GRID2IP: variants seen among roughly 807,000 people sequenced by gnomAD.
The protein encoded by GRID2IP is Grid2 interacting protein, also known as delphilin.
A neutral mutation model predicts 114.3 loss-of-function variants in GRID2IP; 78 were observed. The ratio of observed to expected loss-of-function variants is 0.68; its 90% CI spans 0.57 to 0.82. The LOEUF is 0.82. Among genes scored for constraint, GRID2IP ranks in the 40% least tolerant of loss-of-function variants. GRID2IP has a pLI of 0.00. For missense variants in GRID2IP, 1,727 were observed against 1,678.5 expected (o/e 1.03, Z -0.51); for synonymous variants, 809 against 724.0 (o/e 1.12, Z -1.89).
chr7:6,502,626 A>G, intron 18 of GRID2IP, among the ~76,000 whole-genome samples, 160 bp downstream of exon 18: 1 of 120,630 alleles, frequency 8.3e-6, no homozygotes, highest in African/African-American at 3.1e-5. Context: ...CCTTTGCTGC[A>G]GTCACATCCT....
At position 6,503,114 on chromosome 7, in the gene GRID2IP, T is replaced by C; in HGVS notation, c.2957A>G (p.Gln986Arg). Residue 986 changes from glutamine (Q) to arginine (R), a missense_variant, in exon 17 of 22, where the codon CAG becomes CGG. Gln to Arg is a conservative substitution (Grantham distance 43, BLOSUM62 1). Coordinates refer to ENST00000457091, the MANE Select transcript of GRID2IP (RefSeq NM_001145118.2). ...CTCTGTCTTCTCCTGGAGGGTGGCC[T>C]GGAAGTGGAGGCTGCGCAGGCGTGT... ...YKTRLRSLHFQATLQEKTEEI... is the reference protein window; with the variant it reads ...YKTRLRSLHFRATLQEKTEEI... The C allele has an allele frequency of 1.3e-6, 2 of 1,550,096 alleles. No homozygotes were observed. Among genetic ancestry groups the C allele is most frequent in the Non-Finnish European group, 8.7e-7 (1 of 1,146,292 alleles).
At chr7:6,502,930 G>C in intron 17 of GRID2IP, 58 bp from the exon 18 acceptor site, 2 of 1,544,542 alleles carry the variant, frequency 1.3e-6, no homozygotes, top group South Asian at 2.4e-5. Context: ...CCACCCTGCT[G>C]TCTGGATGGG....
Position 6,551,281 on chromosome 7 carries a change from C to A in GRID2IP, c.156G>T (p.Val52=). The change falls in exon 1 of 22, where the codon GTG becomes GTT. Residue 52 remains valine (V), a synonymous_variant. Transcript: ENST00000457091. ...TCAGACCGCCCACCGCCAGCCCCTC[C>A]ACCTCCAGGATCTGGTCTCCTGGCC... The part of the protein sequence containing the change: ...GLRPGDQILE[V]EGLAVGGLSR... 6.5e-7 allele frequency: 1 copy of A among 1,540,404 alleles called. No homozygotes were observed. The highest frequency in any genetic ancestry group is 1.4e-5 in the African/African-American group (1 of 73,052).
rs540580671 is a variant in GRID2IP at position 6,498,186 on chromosome 7, C to G, written c.3442G>C (p.Gly1148Arg). 3.0e-4 allele frequency: 471 copies of G among 1,550,252 alleles called. No homozygotes were observed. The highest frequency in any genetic ancestry group is 4.0e-4 in the Non-Finnish European group (461 of 1,146,606). ...TCCTCCATGGCCTCGCGCTGCAGCC[C>G]GTCGAGCGCCCGAAGTGCTGGCTGG... is the stretch of plus-strand genomic sequence containing the variant. ...TAQPALRALD[G>R]LQREAMEELG... The change falls in exon 21 of 22, where the codon GGG (glycine) becomes CGG (arginine). Residue 1148 changes from glycine to arginine, a missense_variant. Gly to Arg is a moderately radical substitution (Grantham distance 125). Coordinates refer to ENST00000457091, the MANE Select transcript of GRID2IP (RefSeq NM_001145118.2).
Position 6,526,850 on chromosome 7 carries a change from C to A in GRID2IP, c.585-81G>T. ...ACCGCGGCCCGAAGGCGCGTCCTCG[C>A]GGGCGCCGCCCTAGGCTCTCCCACC... On this transcript the variant is annotated intron_variant, in intron 2 of 21. Coordinates refer to ENST00000457091, the MANE Select transcript of GRID2IP (RefSeq NM_001145118.2). The surrounding 1 kb of genome is among the most constrained non-coding windows in gnomAD (Gnocchi z 7.6). The A allele has an allele frequency of 7.3e-7, 1 of 1,368,732 alleles. No individual in the cohort carries two copies. Among genetic ancestry groups the A allele is most frequent in the East Asian group, 3.2e-5 (1 of 31,272 alleles). The allele number at this position is 1,368,732 out of a possible 1,614,324, so 84.8% of individuals were successfully genotyped here. A position where few individuals can be genotyped will look rare whatever the true frequency, so the allele number is the denominator to read the frequency against.
chr7:6,505,215 G>C (rs927319498), intron 14 of GRID2IP, among the ~76,000 whole-genome samples: 1 of 152,136 alleles, frequency 6.6e-6, no homozygotes, highest in South Asian at 2.1e-4. Context: ...TCCTGTCTAC[G>C]GTGTGACTGA....
Position 6,532,534 on chromosome 7 carries a change from C to T in GRID2IP, c.585-5765G>A, listed in dbSNP as rs1010720670. Among the ~76,000 whole-genome samples the T allele has an allele frequency of 1.3e-5, 2 of 152,184 alleles. No homozygotes were observed. Among genetic ancestry groups the T allele is most frequent in the East Asian group, 1.9e-4 (1 of 5,198 alleles). The stretch of plus-strand genomic sequence containing the variant: ...AGACCATCACTTTGCTGTGACCCCC[C>T]GTGGCTGTACTTCTTCCTGGAAGCA... On this transcript the variant is annotated intron_variant, in intron 2 of 21. Coordinates refer to ENST00000457091, the MANE Select transcript of GRID2IP (RefSeq NM_001145118.2). This position sits in a 1 kb window ranked among gnomAD's most constrained non-coding sequence, Gnocchi z 4.4.
In GRID2IP at chr7:6,526,821, G is replaced by A; in HGVS notation, c.585-52C>T. The A allele has an allele frequency of 7.0e-7, 1 of 1,425,216 alleles. No individual in the cohort carries two copies. 88.3% of individuals were successfully genotyped at this position (1,425,216 alleles called of 1,614,324 possible). On this transcript the variant is annotated intron_variant, in intron 2 of 21. Coordinates refer to ENST00000457091, the MANE Select transcript of GRID2IP (RefSeq NM_001145118.2). This position sits in a 1 kb window ranked among gnomAD's most constrained non-coding sequence, Gnocchi z 7.6. ...GCGCGTTCCCGGACCCCGGATCTCT[G>A]CAAACCGCGGCCCGAAGGCGCGTCC... is the stretch of plus-strand genomic sequence containing the variant.
Position 6,503,616 on chromosome 7 carries a change from G to GCCGGGGCTCCATGCTCATCAGCA in GRID2IP, c.2759_2781dup (p.Arg928CysfsTer2). The GCCGGGGCTCCATGCTCATCAGCA allele has an allele frequency of 6.5e-7, 1 of 1,528,882 alleles. No individual in the cohort carries two copies. The highest frequency in any genetic ancestry group is 1.4e-5 in the African/African-American group (1 of 71,966). The allele number at this position is 1,528,882 out of a possible 1,614,324, so 94.7% of individuals were successfully genotyped here. On this transcript the variant is annotated stop_gained and frameshift_variant, in exon 16 of 22. Coordinates refer to ENST00000457091, the MANE Select transcript of GRID2IP (RefSeq NM_001145118.2). LOFTEE classifies it high-confidence loss of function. ...TGCGCGAGATGTGCGGGCTCCAGGC[G>GCCGGGGCTCCATGCTCATCAGCA]CCGGGGCTCCATGCTCATCAGCACC...
At chr7:6,549,645 G>T (rs1238421024) in intron 1 of GRID2IP, among the ~76,000 whole-genome samples, 2 of 152,088 alleles carry the variant, frequency 1.3e-5, no homozygotes, top group African/African-American at 2.4e-5. Context: ...GAGGGGAATG[G>T]AGTCTCACTC....
chr7:6,545,043 C>T (rs1233360470), intron 1 of GRID2IP, among the ~76,000 whole-genome samples: 5 of 151,888 alleles, frequency 3.3e-5, no homozygotes, highest in African/African-American at 9.7e-5. Context: ...GCCGAGATCG[C>T]GCCACTGCAC....
Position 6,534,274 on chromosome 7 carries a change from C to T in GRID2IP, c.584+5444G>A, listed in dbSNP as rs1461899522. 6.6e-6 allele frequency among the ~76,000 whole-genome samples: 1 copy of T among 152,154 alleles called. No homozygotes were observed. On this transcript the variant is annotated intron_variant, in intron 2 of 21. Transcript: ENST00000457091. This position sits in a 1 kb window ranked among gnomAD's most constrained non-coding sequence, Gnocchi z 4.5. ...ATGACCTGCCCCTGACCTGACACCCCGTTCCCCCCACGCCACCACTCATAT... is the reference window on the plus strand; with the variant it reads ...ATGACCTGCCCCTGACCTGACACCCTGTTCCCCCCACGCCACCACTCATAT...
rs1293910081 is a variant in GRID2IP at position 6,510,703 on chromosome 7, G to A, written c.1559C>T (p.Pro520Leu). 2.6e-6 allele frequency: 4 copies of A among 1,548,314 alleles called. No individual in the cohort carries two copies. The Admixed American group carries it at 8.0e-5, about 31-fold the overall frequency. ...AAGAGGCATCTCAGGGCACTCGCTG[G>A]GACCTACCGGGGAATAATGTCATTA... ...QGLEAGLSCG[P>L]SECPEMPLPL... The change falls in exon 10 of 22, where the codon CCC becomes CTC. Residue 520 changes from proline to leucine, a missense_variant. By Grantham distance (98) the Pro-to-Leu change is moderately conservative. Coordinates refer to ENST00000457091, the MANE Select transcript of GRID2IP (RefSeq NM_001145118.2).
At position 6,520,602 on chromosome 7, in the gene GRID2IP, G is replaced by T; in HGVS notation, c.1244C>A (p.Ala415Asp). ...TPPERYGVCRALESFFQHRNI... is the reference protein window; with the variant it reads ...TPPERYGVCRDLESFFQHRNI... ...CCTGTGCTGGAAGAAGCTCTCGAGGGCCCGGCAGACCCCATAGCGCTCAGG... is the reference window on the plus strand; with the variant it reads ...CCTGTGCTGGAAGAAGCTCTCGAGGTCCCGGCAGACCCCATAGCGCTCAGG... Residue 415 changes from alanine (A) to aspartate (D), a missense_variant, in exon 7 of 22, where the codon GCC becomes GAC. Physicochemically the swap from Ala to Asp is moderately radical, Grantham distance 126. Coordinates refer to ENST00000457091, the MANE Select transcript of GRID2IP (RefSeq NM_001145118.2). The surrounding 1 kb of genome is among the most constrained non-coding windows in gnomAD (Gnocchi z 4.6). The T allele has an allele frequency of 1.3e-6, 2 of 1,551,468 alleles. No homozygotes were observed. The highest frequency in any genetic ancestry group is 1.7e-6 in the Non-Finnish European group (2 of 1,146,816).
At position 6,507,863 on chromosome 7, in the gene GRID2IP, T is replaced by C; in HGVS notation, c.2544+122A>G. 1 of 1,427,672 alleles carries C rather than the reference T, an allele frequency of 7.0e-7. No homozygotes were observed. The highest frequency in any genetic ancestry group is 1.9e-4 in the Middle Eastern group (1 of 5,296). The allele number at this position is 1,427,672 out of a possible 1,614,324, so 88.4% of individuals were successfully genotyped here. A position where few individuals can be genotyped will look rare whatever the true frequency, so the allele number is the denominator to read the frequency against. ...CGTTCTTGGGCTGGGCCTCTACTCA[T>C]CCTCTGCTTGGGGTAGGGAGGATGA... On this transcript the variant is annotated intron_variant, in intron 13 of 21. Coordinates refer to ENST00000457091, the MANE Select transcript of GRID2IP (RefSeq NM_001145118.2). This position sits in a 1 kb window ranked among gnomAD's most constrained non-coding sequence, Gnocchi z 5.3.
intron 2 of GRID2IP, among the ~76,000 whole-genome samples, chr7:6,529,500 A>G (rs370126911): frequency 1.2e-4 from 18 of 152,192 alleles, no homozygotes; most frequent in African/African-American, 4.3e-4. Flanking sequence ...GCTGTCACCA[A>G]CTGCACAGAT....
chr7:6,527,106 C>T (rs1346618736), intron 2 of GRID2IP, among the ~76,000 whole-genome samples: 1 of 152,056 alleles, frequency 6.6e-6, no homozygotes, highest in Non-Finnish European at 1.5e-5. Flanking sequence ...GTCCTCTCCC[C>T]CCACTCCCTC....
At position 6,523,924 on chromosome 7, in the gene GRID2IP, C is replaced by A. The variant is rs1779459168; in HGVS notation, c.920-1967G>T. ...GTGGTGGTGGCATGGTTGGAACAGC[C>A]ACATCCACAGAGGAGAGATTAATCA... On this transcript the variant is annotated intron_variant, in intron 4 of 21. Transcript: ENST00000457091. The surrounding 1 kb of genome is among the most constrained non-coding windows in gnomAD (Gnocchi z 4.5). Among the ~76,000 whole-genome samples, 1 of 152,194 alleles carries A rather than the reference C, an allele frequency of 6.6e-6. No individual in the cohort carries two copies. The highest frequency in any genetic ancestry group is 1.5e-5 in the Non-Finnish European group (1 of 68,040).
Position 6,520,415 on chromosome 7 carries a change from A to C in GRID2IP, c.1268+163T>G, listed in dbSNP as rs1268698407. Among the ~76,000 whole-genome samples, 1 of 152,196 alleles carries C rather than the reference A, an allele frequency of 6.6e-6. No homozygotes were observed. The highest frequency in any genetic ancestry group is 2.4e-5 in the African/African-American group (1 of 41,456). On this transcript the variant is annotated intron_variant, in intron 7 of 21. Transcript: ENST00000457091. This position sits in a 1 kb window ranked among gnomAD's most constrained non-coding sequence, Gnocchi z 4.6. ...TCAGAGATTGTTCCAGGGCAGCTCA[A>C]TTGCCCACCACCCTGGGGCCCCTGA...
Sources: allele counts gnomAD v4.1 joint callset (sites outside exome capture counted in the v4.1 genomes callset), GRCh38; gene constraint gnomAD v4.1.1; non-coding constraint Gnocchi (gnomAD v3.1); transcripts MANE v1.5; gene names NCBI Gene and HGNC (gene_info 2026-07-23, HGNC 2026-07-21).